IL1A: variants seen among roughly 807,000 people sequenced by gnomAD.
IL1A encodes the protein interleukin 1 alpha.
A neutral mutation model predicts 22.2 loss-of-function variants in IL1A; 16 were observed. The observed-to-expected ratio is 0.72, with a 90% CI of 0.49 to 1.09. IL1A has a LOEUF of 1.09. Among genes scored for constraint, IL1A ranks in the 50% least tolerant of loss-of-function variants. The pLI is 0.00. For synonymous variants in IL1A, 113 were observed against 118.5 expected, an observed-to-expected ratio of 0.95 and a Z score of 0.30; for missense variants, 317 against 321.8, an observed-to-expected ratio of 0.99 and a Z score of 0.11.
chr2:112,779,696 T>C, intron 4 of IL1A, 30 bp from the exon 5 acceptor site: 4 of 1,558,604 alleles, frequency 2.6e-6, no homozygotes, highest in Non-Finnish European at 3.5e-6. Flanking sequence ...TGCAGATTAA[T>C]GTCTATGTAC....
chr2:112,780,557 G>T (rs1447199636), intron 4 of IL1A, among the ~76,000 whole-genome samples: 1 of 152,216 alleles, frequency 6.6e-6, no homozygotes, highest in Non-Finnish European at 1.5e-5. Flanking sequence ...AGGTAGAACT[G>T]AATTAGATTT....
At chr2:112,778,839 A>G (rs535964788) in intron 5 of IL1A, among the ~76,000 whole-genome samples, 1 of 152,362 alleles carries the variant, frequency 6.6e-6, no homozygotes, top group East Asian at 1.9e-4. Context: ...TAGAGTTGAA[A>G]GCATGTTAGC....
At chr2:112,776,002 C>G (rs1681096117) in intron 6 of IL1A, among the ~76,000 whole-genome samples, 1 of 152,070 alleles carries the variant, frequency 6.6e-6, no homozygotes, top group Admixed American at 6.6e-5. Flanking sequence ...ATTTCCCAAA[C>G]CTATTCCTCT....
At chr2:112,775,935 A>G (rs1406243909) in intron 6 of IL1A, among the ~76,000 whole-genome samples, 1 of 152,232 alleles carries the variant, frequency 6.6e-6, no homozygotes. Context: ...TTTTAAATCT[A>G]AAGCAAGTAA....
At chr2:112,780,968 C>T (rs1227262051) in intron 4 of IL1A, among the ~76,000 whole-genome samples, 12 of 151,598 alleles carry the variant, frequency 7.9e-5, no homozygotes, top group South Asian at 2.1e-4. Context: ...TGCAGTGAGC[C>T]GAGATTGCGC....
At chr2:112,778,218 G>A (rs1205395256) in intron 5 of IL1A, 107 bp from the exon 6 acceptor site, 7 of 908,898 alleles carry the variant, frequency 7.7e-6, no homozygotes, top group South Asian at 3.2e-5. Context: ...GTGTGTGTGT[G>A]TGTGTGTGTG....
intron 2 of IL1A, among the ~76,000 whole-genome samples, chr2:112,783,174 T>C (rs1029773222): frequency 4.6e-5 from 7 of 152,280 alleles, no homozygotes; most frequent in Non-Finnish European, 8.8e-5. Flanking sequence ...AATTTATACT[T>C]AGTAAAATAT....
Position 112,774,749 on chromosome 2 carries a change from A to G in IL1A, c.*318T>C. ...ATTGTGCATATTTCTTAGTTTTCTT[A>G]TGCCTTAATTTGCCCATCTGTAATA... is the stretch of plus-strand genomic sequence containing the variant. On this transcript the variant is annotated 3_prime_UTR_variant, in exon 7 of 7. Transcript: ENST00000263339. 1 of 202,978 alleles carries G rather than the reference A, an allele frequency of 4.9e-6. No homozygotes were observed. Among genetic ancestry groups the G allele is most frequent in the Non-Finnish European group, 1.0e-5 (1 of 98,322 alleles). 12.6% of individuals were successfully genotyped at this position (202,978 alleles called of 1,614,324 possible).
At position 112,781,690 on chromosome 2, in the gene IL1A, C is replaced by T. The variant is rs757721061; in HGVS notation, c.233G>A (p.Gly78Glu). The T allele has an allele frequency of 2.5e-6, 4 of 1,614,156 alleles. No individual in the cohort carries two copies. In the Admixed American group the frequency reaches 6.7e-5, roughly 27 times the overall value. ...KESMVVVATNGKVLKKRRLSL... is the reference protein window; with the variant it reads ...KESMVVVATNEKVLKKRRLSL... ...CAACCGTCTCTTCTTCAGAACCTTC[C>T]CGTTGGTTGCTACTACCACCATGCT... Residue 78 changes from glycine to glutamate, a missense_variant, in exon 4 of 7, where the codon GGG (glycine) becomes GAG (glutamate). Transcript: ENST00000263339.
intron 3 of IL1A, among the ~76,000 whole-genome samples, chr2:112,782,441 G>A (rs1388599456): frequency 1.3e-5 from 2 of 152,224 alleles, no homozygotes; most frequent in Admixed American, 1.3e-4. Context: ...GCCTTTCTCA[G>A]GATGGCATAA....
chr2:112,776,103 T>C (rs944701390), intron 6 of IL1A, among the ~76,000 whole-genome samples: 2 of 152,180 alleles, frequency 1.3e-5, no homozygotes, highest in African/African-American at 4.8e-5. Context: ...TCTGTTTCTT[T>C]CCACTTCTTT....
intron 6 of IL1A, among the ~76,000 whole-genome samples, chr2:112,777,323 C>G (rs1681116855): frequency 6.6e-6 from 1 of 152,218 alleles, no homozygotes; most frequent in South Asian, 2.1e-4. Context: ...CTGTAGACAT[C>G]ACTTGATCCA....
At position 112,781,807 on chromosome 2, in the gene IL1A, C is replaced by A. The variant is rs1394716566; in HGVS notation, c.116G>T (p.Ser39Ile). 7 of 1,613,540 alleles carry A rather than the reference C, an allele frequency of 4.3e-6. No individual in the cohort carries two copies. Among genetic ancestry groups the A allele is most frequent in the Non-Finnish European group, 5.9e-6 (7 of 1,179,452 alleles). Residue 39 changes from serine (S) to isoleucine (I), a missense_variant, in exon 4 of 7, where the codon AGC becomes ATC. Transcript: ENST00000263339. Reference protein sequence around the residue: ...SLNQKSFYHVSYGPLHEGCMD... With the variant: ...SLNQKSFYHVIYGPLHEGCMD... ...GCAGCCTTCATGGAGTGGGCCATAGCTTACATGATAGAAGGATTTCTGTGA... is the reference window on the plus strand; with the variant it reads ...GCAGCCTTCATGGAGTGGGCCATAGATTACATGATAGAAGGATTTCTGTGA...
chr2:112,784,471 A>C lies in IL1A; in HGVS notation c.-37T>G, dbSNP rs1325427144. On this transcript the variant is annotated 5_prime_UTR_variant, in exon 1 of 7. Coordinates refer to ENST00000263339, the MANE Select transcript of IL1A (RefSeq NM_000575.5). ...TGCTGACTCAAACGCCAATGAAATG[A>C]CTCCCTCTCTGGCTGGCAGCTTAAG... is the stretch of plus-strand genomic sequence containing the variant. 1 of 151,880 alleles carries C rather than the reference A, an allele frequency of 6.6e-6. No homozygotes were observed. Among genetic ancestry groups the C allele is most frequent in the Non-Finnish European group, 1.5e-5 (1 of 67,992 alleles). 9.4% of individuals were successfully genotyped at this position (151,880 alleles called of 1,614,324 possible). A position where few individuals can be genotyped will look rare whatever the true frequency, so the allele number is the denominator to read the frequency against.
rs868510712 is a variant in IL1A at position 112,776,506 on chromosome 2, C to T, written c.616-1239G>A. Among the ~76,000 whole-genome samples the T allele has an allele frequency of 3.7e-4, 12 of 32,130 alleles. 1 individual carries two copies. Among genetic ancestry groups the T allele is most frequent in the African/African-American group, 1.7e-3 (10 of 6,058 alleles). 21.1% of individuals were successfully genotyped at this position (32,130 alleles called of 152,430 possible). A position where few individuals can be genotyped will look rare whatever the true frequency, so the allele number is the denominator to read the frequency against. ...AACCCACAACCACGACCCGCCCCCT[C>T]CTCTGAATGTCCTACCCAAAAACCC... is the stretch of plus-strand genomic sequence containing the variant. On this transcript the variant is annotated intron_variant, in intron 6 of 6. Coordinates refer to ENST00000263339, the MANE Select transcript of IL1A (RefSeq NM_000575.5).
rs1262327938 is a variant in IL1A at position 112,781,720 on chromosome 2, T to C, written c.203A>G (p.Lys68Arg). The C allele has an allele frequency of 1.2e-6, 2 of 1,614,002 alleles. No homozygotes were observed. Among genetic ancestry groups the C allele is most frequent in the African/African-American group, 2.7e-5 (2 of 74,924 alleles). The change falls in exon 4 of 7, where the codon AAG (lysine) becomes AGG (arginine). Residue 68 changes from lysine (K) to arginine (R), a missense_variant. Lys to Arg is a conservative substitution (Grantham distance 26). Coordinates refer to ENST00000263339, the MANE Select transcript of IL1A (RefSeq NM_000575.5). Reference sequence around the variant, plus strand: ...GGTTGCTACTACCACCATGCTCTCCTTGAAGGTAAGCTTGGATGTTTTAGA... The same window carrying C: ...GGTTGCTACTACCACCATGCTCTCCCTGAAGGTAAGCTTGGATGTTTTAGA... ...ETSKTSKLTFKESMVVVATNG... is the reference protein window; with the variant it reads ...ETSKTSKLTFRESMVVVATNG...
chr2:112,779,627 C>T lies in IL1A; in HGVS notation c.359G>A (p.Ser120Asn). The T allele has an allele frequency of 6.2e-7, 1 of 1,611,558 alleles. No individual in the cohort carries two copies. Among genetic ancestry groups the T allele is most frequent in the Non-Finnish European group, 8.5e-7 (1 of 1,177,972 alleles). Residue 120 changes from serine to asparagine, a missense_variant, in exon 5 of 7, where the codon AGC (serine) becomes AAC (asparagine). By Grantham distance (46) the Ser-to-Asn change is conservative. Transcript: ENST00000263339. ...KPRSAPFSFL[S>N]NVKYNFMRII... ...CCTCATAAAGTTGTATTTCACATTG[C>T]TCAGGAAGCTAAAAGGTGCTGACCT...
In IL1A at chr2:112,781,764, A is replaced by G. The variant is rs367792460; in HGVS notation, c.159T>C (p.Ser53=). 1.3e-5 allele frequency: 21 copies of G among 1,614,054 alleles called. No homozygotes were observed. In the African/African-American group the frequency reaches 2.8e-4, roughly 22 times the overall value. The part of the protein sequence containing the change: ...LHEGCMDQSV[S]LSISETSKTS... ...TTTTAGAGGTTTCAGAGATACTCAG[A>G]GACACAGATTGATCCATGCAGCCTT... Residue 53 remains serine, a synonymous_variant, in exon 4 of 7, where the codon TCT becomes TCC. Coordinates refer to ENST00000263339, the MANE Select transcript of IL1A (RefSeq NM_000575.5).
At chr2:112,780,705 C>T (rs1312736490) in intron 4 of IL1A, among the ~76,000 whole-genome samples, 4 of 149,278 alleles carry the variant, frequency 2.7e-5, no homozygotes, top group South Asian at 2.2e-4. Flanking sequence ...ATTAGTATTG[C>T]TGGTAGTATT....
Sources: gnomAD v4.1 joint callset for allele counts (sites outside exome capture counted in the v4.1 genomes callset) on GRCh38, gnomAD v4.1.1 for gene constraint, MANE v1.5 for transcripts, NCBI Gene and HGNC (gene_info 2026-07-23, HGNC 2026-07-21) for gene names.